The following LRP1B variants were observed in gnomAD, a reference collection of about 807,000 sequenced individuals.
The protein encoded by LRP1B is LDL receptor related protein 1B.
Under a neutral mutation model 556.6 loss-of-function variants are expected in LRP1B, and 217 were observed. That is an observed-to-expected ratio of 0.39 (90% CI 0.35 to 0.44). The LOEUF is 0.44. Ranked by LOEUF, LRP1B falls within the 20% of genes least tolerant of loss-of-function variation. LRP1B has a pLI of 1.00. For synonymous variants in LRP1B, 2,047 were observed against 1,865.8 expected, an observed-to-expected ratio of 1.10 and a Z score of -2.50; for missense variants, 5,053 against 5,620.8, an observed-to-expected ratio of 0.90 and a Z score of 3.23.
intron 1 of LRP1B, among the ~76,000 whole-genome samples, chr2:142,082,161 A>T (rs767768730): frequency 1.3e-5 from 2 of 152,204 alleles, no homozygotes; most frequent in Non-Finnish European, 2.9e-5. Flanking sequence ...GCACTTTTCA[A>T]GAAATATTGA....
intron 86 of LRP1B, among the ~76,000 whole-genome samples, chr2:140,269,687 A>G (rs1369017852): frequency 6.6e-6 from 1 of 151,954 alleles, no homozygotes; most frequent in African/African-American, 2.4e-5. Context: ...TGGAGGGGGG[A>G]AAATACTAAA....
intron 2 of LRP1B, among the ~76,000 whole-genome samples, chr2:141,792,986 C>G (rs1165183674): frequency 6.6e-6 from 1 of 151,866 alleles, no homozygotes; most frequent in Non-Finnish European, 1.5e-5. Context: ...AGATCATTTA[C>G]TTGTCTACCA....
chr2:140,682,675 C>CGCGTGT (rs1553513124), intron 41 of LRP1B, among the ~76,000 whole-genome samples: 3 of 149,546 alleles, frequency 2.0e-5, no homozygotes, highest in African/African-American at 7.4e-5. Flanking sequence ...GAGAGTATTG[C>CGCGTGT]GTGTGTGTGT....
intron 7 of LRP1B, among the ~76,000 whole-genome samples, chr2:141,143,741 T>G (rs998224050): frequency 6.6e-6 from 1 of 151,982 alleles, no homozygotes; most frequent in Admixed American, 6.6e-5. Context: ...ACTCTCAACC[T>G]CTTGAGCTCT....
Position 140,950,293 on chromosome 2 carries a change from A to G in LRP1B, c.3078T>C (p.Asp1026=), listed in dbSNP as rs940979649. The G allele has an allele frequency of 6.2e-7, 1 of 1,613,160 alleles. No individual in the cohort carries two copies. ...TGAAGTCCCCACAGTCATTGTCACC[A>G]TCACAGGCCCAGTGGCCTGGGATGC... The part of the protein sequence containing the change: ...GRCIPGHWAC[D]GDNDCGDFSD... Residue 1026 remains aspartate (D), a synonymous_variant, in exon 20 of 91, where the codon GAT becomes GAC. Transcript: ENST00000389484.
rs138753832 is a variant in LRP1B at position 141,764,461 on chromosome 2, C to T, written c.205+45818G>A. ...CCTCCCAAAGTGCTGGGATTACAGG[C>T]GTGAGCCACCGCGCCAGGCACAAGA... On this transcript the variant is annotated intron_variant, in intron 2 of 90. Coordinates refer to ENST00000389484, the MANE Select transcript of LRP1B (RefSeq NM_018557.3). Among the ~76,000 whole-genome samples the T allele has an allele frequency of 3.0e-3, 450 of 152,226 alleles. 3 individuals carry two copies. Among genetic ancestry groups the T allele is most frequent in the African/African-American group, 0.01 (424 of 41,532 alleles).
At chr2:140,517,049 A>C in intron 49 of LRP1B, 38 bp from the exon 50 acceptor site, 1 of 1,465,360 alleles carries the variant, frequency 6.8e-7, no homozygotes, top group Non-Finnish European at 9.6e-7. Flanking sequence ...ATTTCATTTT[A>C]GACTTCTGAA....
intron 1 of LRP1B, among the ~76,000 whole-genome samples, chr2:141,867,831 A>G (rs1698462090): frequency 6.6e-6 from 1 of 152,140 alleles, no homozygotes; most frequent in Non-Finnish European, 1.5e-5. Context: ...GTATGTATAA[A>G]TTCAGTTAGA....
At chr2:140,688,124 T>C (rs1559055568) in intron 41 of LRP1B, among the ~76,000 whole-genome samples, 1 of 148,856 alleles carries the variant, frequency 6.7e-6, no homozygotes, top group African/African-American at 2.5e-5. Flanking sequence ...GTCAAAACTA[T>C]AAAAAAAAAA....
intron 2 of LRP1B, among the ~76,000 whole-genome samples, chr2:141,549,063 C>T (rs1244144967): frequency 6.6e-6 from 1 of 152,078 alleles, no homozygotes; most frequent in East Asian, 1.9e-4. Flanking sequence ...TAATGCCACA[C>T]ATTCAATGGA....
intron 17 of LRP1B, among the ~76,000 whole-genome samples, chr2:140,986,391 G>C (rs1696927552): frequency 6.6e-6 from 1 of 152,014 alleles, no homozygotes; most frequent in Non-Finnish European, 1.5e-5. Context: ...CAAAGTTGAA[G>C]GTATGCACAT....
At chr2:140,780,327 G>A (rs1446689376) in intron 32 of LRP1B, among the ~76,000 whole-genome samples, 2 of 152,106 alleles carry the variant, frequency 1.3e-5, no homozygotes, top group African/African-American at 4.8e-5. Context: ...AAATTAACAA[G>A]AGGAATTTTC....
In LRP1B at chr2:141,013,515, A is replaced by C. The variant is rs1342430679; in HGVS notation, c.2380+41T>G. ...TTTATAACTTCTGTGAAGTATTATT[A>C]TATGTGAATCTCAGAAGCATTTTAA... On this transcript the variant is annotated intron_variant, in intron 14 of 90. Transcript: ENST00000389484. 3 of 1,459,458 alleles carry C rather than the reference A, an allele frequency of 2.1e-6. No homozygotes were observed. In the Admixed American group the frequency reaches 6.1e-5, roughly 30 times the overall value. 90.4% of individuals were successfully genotyped at this position (1,459,458 alleles called of 1,614,324 possible). A position where few individuals can be genotyped will look rare whatever the true frequency, so the allele number is the denominator to read the frequency against.
At chr2:140,982,843 C>T (rs1696811095) in intron 17 of LRP1B, among the ~76,000 whole-genome samples, 1 of 140,330 alleles carries the variant, frequency 7.1e-6, no homozygotes, top group Non-Finnish European at 1.5e-5. Context: ...CTAAAACATA[C>T]ATTTGGCCTT....
intron 7 of LRP1B, among the ~76,000 whole-genome samples, chr2:141,121,468 G>C (rs1162425035): frequency 2.6e-5 from 4 of 151,896 alleles, no homozygotes; most frequent in African/African-American, 9.7e-5. Context: ...GACAAACAGA[G>C]AGCCAAATCA....
chr2:141,175,450 G>C (rs890010098), intron 7 of LRP1B, among the ~76,000 whole-genome samples: 1 of 152,084 alleles, frequency 6.6e-6, no homozygotes, highest in Non-Finnish European at 1.5e-5. Context: ...TGGCTAAAAG[G>C]GGCAAAGGTA....
intron 15 of LRP1B, among the ~76,000 whole-genome samples, chr2:140,996,483 T>C (rs1697249656): frequency 6.6e-6 from 1 of 152,076 alleles, no homozygotes; most frequent in Non-Finnish European, 1.5e-5. Context: ...AATTAATTTT[T>C]ACAAATTATG....
rs560883374 is a variant in LRP1B, at chr2:140,622,609, G to T, written c.6800-20970C>A. ...TAACAGTTCATACTTACTACTAATT[G>T]CACCATTAGAACTTTAATTAATTTT... is the stretch of plus-strand genomic sequence containing the variant. On this transcript the variant is annotated intron_variant, in intron 41 of 90. Coordinates refer to ENST00000389484, the MANE Select transcript of LRP1B (RefSeq NM_018557.3). Among the ~76,000 whole-genome samples the T allele has an allele frequency of 3.3e-5, 5 of 152,082 alleles. No homozygotes were observed. The South Asian group carries it at 8.3e-4, about 25-fold the overall frequency.
chr2:141,432,420 C>G (rs950363334), intron 3 of LRP1B, among the ~76,000 whole-genome samples: 1 of 151,858 alleles, frequency 6.6e-6, no homozygotes, highest in Non-Finnish European at 1.5e-5. Context: ...ATGTTTTTAT[C>G]TGGTTTTGAA....
Sources: gnomAD v4.1 joint callset for allele counts (sites outside exome capture counted in the v4.1 genomes callset) on GRCh38, gnomAD v4.1.1 for gene constraint, MANE v1.5 for transcripts, NCBI Gene and HGNC (gene_info 2026-07-23, HGNC 2026-07-21) for gene names.